Variants in PIK3R3 observed in about 807,000 individuals in gnomAD.
PIK3R3 encodes phosphoinositide-3-kinase regulatory subunit 3, also known as phosphatidylinositol 3-kinase regulatory subunit gamma.
PIK3R3 carries 64 observed loss-of-function variants against 62.9 expected under a neutral mutation model. The observed-to-expected ratio is 1.02, with a 90% confidence interval of 0.83 to 1.25. The LOEUF (loss-of-function observed/expected upper bound fraction) is 1.25. Among genes scored for constraint, PIK3R3 ranks in the 50% most tolerant of loss-of-function variants. The pLI is 0.00. For synonymous variants in PIK3R3, 165 were observed against 189.0 expected (o/e 0.87, Z 1.04); for missense variants, 614 against 561.6 (o/e 1.09, Z -0.94).
At chr1:46,120,396 T>C (rs2149466950) in intron 1 of PIK3R3, among the ~76,000 whole-genome samples, 1 of 152,186 alleles carries the variant, frequency 6.6e-6, no homozygotes, top group African/African-American at 2.4e-5. Flanking sequence ...ACCAACATGG[T>C]GAAACCACAT....
chr1:46,064,414 G>A (rs1312921265), intron 5 of PIK3R3, among the ~76,000 whole-genome samples: 2 of 151,872 alleles, frequency 1.3e-5, no homozygotes, highest in Non-Finnish European at 2.9e-5. Flanking sequence ...GGTGGTGCAC[G>A]CCTGTAATCC....
At chr1:46,083,484 A>G (rs915731629) in intron 1 of PIK3R3, among the ~76,000 whole-genome samples, 1 of 152,214 alleles carries the variant, frequency 6.6e-6, no homozygotes, top group Non-Finnish European at 1.5e-5. Context: ...ACGTTTTTGT[A>G]AGTAGAAATG....
chr1:46,114,576 AT>A (rs1184413112), intron 1 of PIK3R3, among the ~76,000 whole-genome samples: 2 of 151,920 alleles, frequency 1.3e-5, no homozygotes, highest in African/African-American at 4.8e-5. Flanking sequence ...TCAACTAGAC[AT>A]TTTGGGGGTA....
the PIK3R3 span, among the ~76,000 whole-genome samples, chr1:46,149,347 A>T: frequency 2.1e-5 from 3 of 145,854 alleles, no homozygotes; most frequent in Admixed American, 1.4e-4. Flanking sequence ...GCTTGAACCC[A>T]GGAGGTAGAG....
the PIK3R3 span, among the ~76,000 whole-genome samples, chr1:46,149,590 G>T: frequency 6.6e-6 from 1 of 152,036 alleles, no homozygotes; most frequent in Non-Finnish European, 1.5e-5. Flanking sequence ...AGGCTGGAGT[G>T]CAGTGGCGCG....
intron 3 of PIK3R3, among the ~76,000 whole-genome samples, chr1:46,069,045 T>C (rs180891537): frequency 6.6e-6 from 1 of 152,240 alleles, no homozygotes; most frequent in East Asian, 1.9e-4. Flanking sequence ...GTAGCAGTAG[T>C]AGAGGTCATG....
chr1:46,145,139 A>C, the PIK3R3 span, among the ~76,000 whole-genome samples: 2 of 143,900 alleles, frequency 1.4e-5, no homozygotes, highest in African/African-American at 4.9e-5. Flanking sequence ...AAAAAAAAAA[A>C]AGAAGAAGAC....
intron 1 of PIK3R3, among the ~76,000 whole-genome samples, chr1:46,084,995 T>C (rs1303102780): frequency 6.6e-6 from 1 of 152,124 alleles, no homozygotes; most frequent in Non-Finnish European, 1.5e-5. Flanking sequence ...TTGAGATGAG[T>C]TGAGCTGACC....
chr1:46,068,321 G>A (rs949529616), intron 3 of PIK3R3, among the ~76,000 whole-genome samples: 5 of 152,248 alleles, frequency 3.3e-5, no homozygotes, highest in African/African-American at 1.2e-4. Flanking sequence ...GAATATCTAT[G>A]TGCCAGGAAT....
chr1:46,062,509 A>G (rs1201759933), intron 5 of PIK3R3, among the ~76,000 whole-genome samples: 2 of 152,226 alleles, frequency 1.3e-5, no homozygotes, highest in African/African-American at 2.4e-5. Flanking sequence ...CGGAAGGCAG[A>G]GGTTGCAGTG....
intron 3 of PIK3R3, among the ~76,000 whole-genome samples, chr1:46,073,160 C>T (rs1280408083): frequency 1.3e-5 from 2 of 152,042 alleles, no homozygotes; most frequent in Non-Finnish European, 2.9e-5. Flanking sequence ...TTAGTCAATG[C>T]CACAGGTCTA....
intron 1 of PIK3R3, among the ~76,000 whole-genome samples, chr1:46,083,540 AT>A (rs1650795861): frequency 6.6e-6 from 1 of 152,216 alleles, no homozygotes; most frequent in Non-Finnish European, 1.5e-5. Context: ...CTATAAATAT[AT>A]TTTTGTACTT....
chr1:46,085,930 G>C (rs1651008090), intron 1 of PIK3R3, among the ~76,000 whole-genome samples: 1 of 152,182 alleles, frequency 6.6e-6, no homozygotes, highest in South Asian at 2.1e-4. Flanking sequence ...TTGTGAGACA[G>C]GGTCTCATTA....
rs1647041830 is a variant in PIK3R3, at chr1:46,043,811, T to C, written c.1248A>G (p.Ala416=). 1.2e-6 allele frequency: 2 copies of C among 1,614,060 alleles called. No individual in the cohort carries two copies. The highest frequency in any genetic ancestry group is 1.3e-5 in the African/African-American group (1 of 74,928). ...GAGAGCTGTACAGGTTGTAGGGCTCTGCAAAGCCATAGCCCCGAGCAGTGC... is the reference window on the plus strand; with the variant it reads ...GAGAGCTGTACAGGTTGTAGGGCTCCGCAAAGCCATAGCCCCGAGCAGTGC... ...IYSTARGYGF[A]EPYNLYSSLK... is the part of the protein sequence containing the mutation. Residue 416 remains alanine, a synonymous_variant, in exon 10 of 10, where the codon GCA becomes GCG. Transcript: ENST00000262741.
intron 1 of PIK3R3, among the ~76,000 whole-genome samples, chr1:46,083,117 T>C (rs938549565): frequency 6.6e-6 from 1 of 152,098 alleles, no homozygotes; most frequent in Admixed American, 6.6e-5. Flanking sequence ...CTTAGTCAAC[T>C]GATTTTCAAC....
chr1:46,111,512 G>C (rs374615875), intron 1 of PIK3R3, among the ~76,000 whole-genome samples: 1 of 152,096 alleles, frequency 6.6e-6, no homozygotes, highest in East Asian at 1.9e-4. Flanking sequence ...GATCACTTGA[G>C]GCCAGGAATT....
chr1:46,042,476 G>A lies in PIK3R3; in HGVS notation c.*1197C>T, dbSNP rs1053702806. ...GTGTGACTCTCACCCTGGACCACAG[G>A]GCCCCTGGGTCTGTGATTTACTGAG... On this transcript the variant is annotated 3_prime_UTR_variant, in exon 10 of 10. Transcript: ENST00000262741. This position sits in a 1 kb window ranked among gnomAD's most constrained non-coding sequence, Gnocchi z 4.3. 2 of 222,238 alleles carry A rather than the reference G, an allele frequency of 9.0e-6. No homozygotes were observed. Among genetic ancestry groups the A allele is most frequent in the Non-Finnish European group, 1.8e-5 (2 of 111,026 alleles). 13.8% of individuals were successfully genotyped at this position (222,238 alleles called of 1,614,324 possible).
chr1:46,161,710 C>A, the PIK3R3 span, among the ~76,000 whole-genome samples: 6,376 of 151,954 alleles, frequency 0.042, 356 homozygotes, highest in African/African-American at 0.13. Flanking sequence ...ATAGCCACTG[C>A]ACTCCTGTCT....
intron 3 of PIK3R3, among the ~76,000 whole-genome samples, chr1:46,071,716 T>TAG (rs1649524006): frequency 3.5e-5 from 1 of 28,802 alleles, no homozygotes; most frequent in Non-Finnish European, 7.3e-5. Flanking sequence ...AAAAAAAATA[T>TAG]ATATATATAT....
Sources: gnomAD v4.1 joint callset for allele counts (sites outside exome capture counted in the v4.1 genomes callset) on GRCh38, gnomAD v4.1.1 for gene constraint, Gnocchi (gnomAD v3.1) non-coding constraint, MANE v1.5 for transcripts, NCBI Gene and HGNC (gene_info 2026-07-23, HGNC 2026-07-21) for gene names.